COA1: variants seen among roughly 807,000 people sequenced by gnomAD.
COA1 encodes cytochrome c oxidase assembly factor 1 homolog.
Under a neutral mutation model 16.0 loss-of-function variants are expected in COA1, and 13 were observed. That is an observed-to-expected ratio of 0.81 (90% CI 0.53 to 1.29). COA1 has a LOEUF of 1.29. COA1 is among the 50% of genes most tolerant of loss of function. COA1 has a pLI of 0.00. For synonymous variants in COA1, 65 were observed against 65.7 expected, an observed-to-expected ratio of 0.99 and a Z score of 0.05; for missense variants, 179 against 177.0, an observed-to-expected ratio of 1.01 and a Z score of -0.06.
intron 1 of COA1, among the ~76,000 whole-genome samples, chr7:43,664,028 C>A (rs1032780474): frequency 1.1e-4 from 16 of 150,616 alleles, no homozygotes; most frequent in African/African-American, 3.9e-4. Context: ...TTTACTCCAG[C>A]CTGGGTGACA....
At chr7:43,613,542 T>G (rs1376386262) in intron 6 of COA1, among the ~76,000 whole-genome samples, 1 of 152,074 alleles carries the variant, frequency 6.6e-6, no homozygotes, top group African/African-American at 2.4e-5. Flanking sequence ...TGCTCATGGT[T>G]AAAAGTAGAC....
chr7:43,670,635 T>G (rs911789396), intron 1 of COA1, among the ~76,000 whole-genome samples: 1 of 152,158 alleles, frequency 6.6e-6, no homozygotes, highest in Non-Finnish European at 1.5e-5. Context: ...AAATATTAAC[T>G]ATAGACATGG....
chr7:43,644,793 G>C (rs1450360850), intron 4 of COA1, among the ~76,000 whole-genome samples: 1 of 123,726 alleles, frequency 8.1e-6, no homozygotes, highest in African/African-American at 3.4e-5. Flanking sequence ...CAGGCAGGCA[G>C]AGAGACAGAG....
chr7:43,668,391 GA>G (rs991178748), intron 1 of COA1, among the ~76,000 whole-genome samples: 1 of 152,152 alleles, frequency 6.6e-6, no homozygotes, highest in African/African-American at 2.4e-5. Context: ...GGCCTATGTA[GA>G]AATAACCACT....
At chr7:43,645,629 G>T in intron 3 of COA1, 1 of 457,040 alleles carries the variant, frequency 2.2e-6, no homozygotes, top group Non-Finnish European at 4.0e-6. Flanking sequence ...CTTGGGCCTT[G>T]ACCTCATGCA....
At chr7:43,712,687 T>C (rs1298768943) in intron 1 of COA1, among the ~76,000 whole-genome samples, 1 of 152,204 alleles carries the variant, frequency 6.6e-6, no homozygotes, top group Admixed American at 6.5e-5. Flanking sequence ...TTTCACCTTT[T>C]CATTTCCCCT....
At chr7:43,618,769 G>C (rs2083578725) in intron 6 of COA1, among the ~76,000 whole-genome samples, 1 of 152,082 alleles carries the variant, frequency 6.6e-6, no homozygotes, top group Non-Finnish European at 1.5e-5. Flanking sequence ...TGTGGCTCTG[G>C]GGAGCTCTTT....
At chr7:43,681,167 T>C (rs2093752959) in intron 1 of COA1, among the ~76,000 whole-genome samples, 1 of 152,144 alleles carries the variant, frequency 6.6e-6, no homozygotes, top group Non-Finnish European at 1.5e-5. Flanking sequence ...ATAAATACTA[T>C]AGGATTGACC....
At chr7:43,620,356 G>T (rs1356315464) in intron 6 of COA1, among the ~76,000 whole-genome samples, 5 of 152,214 alleles carry the variant, frequency 3.3e-5, no homozygotes, top group Non-Finnish European at 5.9e-5. Flanking sequence ...CTGTGAAACT[G>T]AGAGGTTGTG....
chr7:43,623,919 A>G (rs1187499640), intron 6 of COA1: 1 of 1,348,208 alleles, frequency 7.4e-7, no homozygotes, highest in Admixed American at 2.8e-5. Context: ...TTTAATATTG[A>G]ACTAATTCAA....
intron 5 of COA1, among the ~76,000 whole-genome samples, chr7:43,640,258 C>T (rs1338898922): frequency 3.3e-5 from 5 of 152,162 alleles, no homozygotes; most frequent in African/African-American, 7.2e-5. Context: ...TCATTTATAA[C>T]AATTGAGGCA....
At chr7:43,624,754 AAG>A in intron 6 of COA1, 2 of 1,613,878 alleles carry the variant, frequency 1.2e-6, no homozygotes, top group Non-Finnish European at 1.7e-6. Flanking sequence ...CAGTCTGAAA[AAG>A]AGAAAATGGA....
At chr7:43,717,995 G>T (rs988180854) in intron 1 of COA1, among the ~76,000 whole-genome samples, 2 of 152,198 alleles carry the variant, frequency 1.3e-5, no homozygotes, top group East Asian at 3.8e-4. Context: ...ACATGAGACA[G>T]TAAGTCCAGT....
At chr7:43,684,900 C>T (rs898981138) in intron 1 of COA1, among the ~76,000 whole-genome samples, 1 of 152,216 alleles carries the variant, frequency 6.6e-6, no homozygotes, top group Admixed American at 6.5e-5. Flanking sequence ...ACTTTATTAT[C>T]TTCACATTCA....
chr7:43,624,487 T>C, intron 6 of COA1: 1 of 1,567,594 alleles, frequency 6.4e-7, no homozygotes, highest in South Asian at 1.2e-5. Context: ...AGTTCTAACA[T>C]GTCTTAACTG....
At chr7:43,611,982 A>C (rs1408936412) in intron 6 of COA1, among the ~76,000 whole-genome samples, 1 of 152,214 alleles carries the variant, frequency 6.6e-6, no homozygotes, top group African/African-American at 2.4e-5. Flanking sequence ...TGAGAGCATC[A>C]AAGGTGAATA....
At chr7:43,660,482 TG>T (rs1379876373) in intron 1 of COA1, among the ~76,000 whole-genome samples, 1 of 152,176 alleles carries the variant, frequency 6.6e-6, no homozygotes, top group Non-Finnish European at 1.5e-5. Flanking sequence ...GAGCTTTGCA[TG>T]TATCTTATCA....
chr7:43,713,449 T>G (rs1481181592), intron 1 of COA1, among the ~76,000 whole-genome samples: 1 of 152,154 alleles, frequency 6.6e-6, no homozygotes, highest in African/African-American at 2.4e-5. Flanking sequence ...ACTATAACTT[T>G]GTACTCATTT....
At chr7:43,647,959 T>C in intron 2 of COA1, 1 of 292,522 alleles carries the variant, frequency 3.4e-6, no homozygotes. Context: ...AAGCCCCGCA[T>C]GGCCAGGAAG....
Sources: allele counts gnomAD v4.1 joint callset (sites outside exome capture counted in the v4.1 genomes callset), GRCh38; gene constraint gnomAD v4.1.1; transcripts MANE v1.5; gene names NCBI Gene and HGNC (gene_info 2026-07-23, HGNC 2026-07-21).